The following EDC3 variants were observed in gnomAD, a reference collection of about 807,000 sequenced individuals.
The protein encoded by EDC3 is enhancer of mRNA decapping 3.
Under a neutral mutation model 41.8 loss-of-function variants are expected in EDC3, and 20 were observed. The ratio of observed to expected loss-of-function variants is 0.48; its 90% CI spans 0.34 to 0.70. The LOEUF (loss-of-function observed/expected upper bound fraction) is 0.70, where lower values mean the gene tolerates loss of function less well. EDC3 is among the 30% of genes least tolerant of loss of function. EDC3 has a pLI of 0.01. For synonymous variants in EDC3, 206 were observed against 243.2 expected, an observed-to-expected ratio of 0.85 and a Z score of 1.42; for missense variants, 444 against 636.8, an observed-to-expected ratio of 0.70 and a Z score of 3.26.
At chr15:74,672,951 G>A (rs555532931) in intron 2 of EDC3, among the ~76,000 whole-genome samples, 1 of 152,254 alleles carries the variant, frequency 6.6e-6, no homozygotes, top group South Asian at 2.1e-4. Context: ...TCTGGCCAGG[G>A]CAGGGGGAAT....
chr15:74,650,725 C>T (rs374607223), intron 4 of EDC3, among the ~76,000 whole-genome samples: 2 of 152,156 alleles, frequency 1.3e-5, no homozygotes, highest in African/African-American at 4.8e-5. Context: ...AGGCCAGGCG[C>T]GGTGGCTCAT....
intron 2 of EDC3, among the ~76,000 whole-genome samples, chr15:74,672,083 A>C (rs1013456250): frequency 1.3e-4 from 19 of 149,898 alleles, no homozygotes; most frequent in African/African-American, 4.7e-4. Context: ...AAAACGGTGA[A>C]ACCCCGTCTC....
intron 4 of EDC3, among the ~76,000 whole-genome samples, chr15:74,652,607 G>C (rs534630170): frequency 6.8e-6 from 1 of 146,452 alleles, no homozygotes; most frequent in Non-Finnish European, 1.5e-5. Context: ...TTTGAGACAG[G>C]GTCTGACTCT....
Position 74,686,222 on chromosome 15 carries a change from G to A in EDC3, c.-19+9658C>T, listed in dbSNP as rs563312237. ...TTCCTGTAATCCCAGTTACTCAGGA[G>A]GCTGAAGCAGGAGAATCGCTTGAAC... On this transcript the variant is annotated intron_variant, in intron 1 of 6. Coordinates refer to ENST00000315127, the MANE Select transcript of EDC3 (RefSeq NM_025083.5). Among the ~76,000 whole-genome samples the A allele has an allele frequency of 1.3e-3, 194 of 152,266 alleles. 2 individuals carry two copies. The highest frequency in any genetic ancestry group is 4.3e-3 in the African/African-American group (177 of 41,548).
chr15:74,690,318 G>A (rs2062992191), intron 1 of EDC3, among the ~76,000 whole-genome samples: 1 of 152,228 alleles, frequency 6.6e-6, no homozygotes, highest in South Asian at 2.1e-4. Context: ...TAAGTAATGG[G>A]ACTTTATCAT....
At chr15:74,695,086 G>C (rs991406502) in intron 1 of EDC3, among the ~76,000 whole-genome samples, 5 of 152,130 alleles carry the variant, frequency 3.3e-5, no homozygotes, top group Non-Finnish European at 7.4e-5. Flanking sequence ...AAATCGGTTT[G>C]GTCTGTGGCG....
At chr15:74,685,396 C>T (rs1821791741) in intron 1 of EDC3, among the ~76,000 whole-genome samples, 1 of 151,908 alleles carries the variant, frequency 6.6e-6, no homozygotes. Context: ...GAGTGAGACC[C>T]TGTCTCAAAA....
chr15:74,683,898 A>G (rs1214954916), intron 1 of EDC3, among the ~76,000 whole-genome samples: 2 of 152,136 alleles, frequency 1.3e-5, no homozygotes, highest in Non-Finnish European at 2.9e-5. Context: ...ATGATACTTA[A>G]TGGTGAAATA....
chr15:74,694,047 G>A (rs2063038728), intron 1 of EDC3, among the ~76,000 whole-genome samples: 1 of 151,962 alleles, frequency 6.6e-6, no homozygotes, highest in Non-Finnish European at 1.5e-5. Flanking sequence ...TATCATTATG[G>A]TCACTACACT....
Position 74,632,805 on chromosome 15 carries a change from G to C in EDC3, c.1334C>G (p.Pro445Arg). ...AATGCCCTGTTCGACTTCATGCACAGGAGGGTCTATGCTGAGTACTGGTGC... is the reference window on the plus strand; with the variant it reads ...AATGCCCTGTTCGACTTCATGCACACGAGGGTCTATGCTGAGTACTGGTGC... ...NRAPVLSIDP[P>R]VHEVEQGIDA... Residue 445 changes from proline (P) to arginine (R), a missense_variant, in exon 7 of 7, where the codon CCT becomes CGT. Physicochemically the swap from Pro to Arg is moderately radical, Grantham distance 103. Around this residue, in one of 3 missense-constraint regions of EDC3, gnomAD observed 242 missense variants for 363.8 expected, o/e 0.67. Coordinates refer to ENST00000315127, the MANE Select transcript of EDC3 (RefSeq NM_025083.5). This position sits in a 1 kb window ranked among gnomAD's most constrained non-coding sequence, Gnocchi z 4.0. 6.2e-7 allele frequency: 1 copy of C among 1,614,272 alleles called. No individual in the cohort carries two copies. Among genetic ancestry groups the C allele is most frequent in the Non-Finnish European group, 8.5e-7 (1 of 1,180,044 alleles).
intron 1 of EDC3, among the ~76,000 whole-genome samples, chr15:74,679,524 T>C (rs1453829566): frequency 3.9e-5 from 6 of 152,088 alleles, no homozygotes; most frequent in Non-Finnish European, 8.8e-5. Context: ...AATATTATCT[T>C]GATACCAAGA....
chr15:74,686,986 A>C (rs1392847774), intron 1 of EDC3: 1 of 152,306 alleles, frequency 6.6e-6, no homozygotes, highest in Non-Finnish European at 1.5e-5. Context: ...GTGAGCCGAC[A>C]CCGCACCACT....
At chr15:74,667,346 G>A (rs2062686625) in intron 3 of EDC3, among the ~76,000 whole-genome samples, 1 of 151,516 alleles carries the variant, frequency 6.6e-6, no homozygotes, top group Admixed American at 6.6e-5. Context: ...GAACTCTGCA[G>A]AGAAGTATAC....
chr15:74,684,749 G>A (rs1189260830), intron 1 of EDC3, among the ~76,000 whole-genome samples: 1 of 152,030 alleles, frequency 6.6e-6, no homozygotes, highest in East Asian at 1.9e-4. Flanking sequence ...AACTAATAAG[G>A]AAATTTAGCA....
chr15:74,651,761 TAA>T (rs2062483168), intron 4 of EDC3, among the ~76,000 whole-genome samples: 1 of 152,254 alleles, frequency 6.6e-6, no homozygotes, highest in Non-Finnish European at 1.5e-5. Flanking sequence ...ACTGCAGTAC[TAA>T]AGAAAAGACT....
intron 1 of EDC3, among the ~76,000 whole-genome samples, chr15:74,693,537 G>A (rs942168672): frequency 4.6e-5 from 7 of 152,148 alleles, no homozygotes; most frequent in Admixed American, 1.3e-4. Context: ...AGTATATAAA[G>A]AAAGTGATGA....
chr15:74,633,565 CCCAGGCTCCTCTGCTCTAA>C (rs765954189), intron 6 of EDC3, among the ~76,000 whole-genome samples: 8 of 152,216 alleles, frequency 5.3e-5, no homozygotes, highest in Non-Finnish European at 1.0e-4. Flanking sequence ...TTACTATTCT[CCCAGGCTCCTCTGCTCTAA>C]CCAGGCTTCT....
intron 1 of EDC3, among the ~76,000 whole-genome samples, chr15:74,689,607 C>T (rs1461253333): frequency 6.6e-6 from 1 of 152,160 alleles, no homozygotes; most frequent in Non-Finnish European, 1.5e-5. Flanking sequence ...TCACTGCAAG[C>T]TCCGCCTCCT....
At chr15:74,664,527 T>A (rs904014837) in intron 3 of EDC3, among the ~76,000 whole-genome samples, 2 of 152,264 alleles carry the variant, frequency 1.3e-5, no homozygotes, top group Non-Finnish European at 2.9e-5. Context: ...CACTTATTTA[T>A]TGGTTTTTGT....
Sources: allele counts gnomAD v4.1 joint callset (sites outside exome capture counted in the v4.1 genomes callset), GRCh38; gene constraint gnomAD v4.1.1; regional missense constraint gnomAD v4.1.1; non-coding constraint Gnocchi (gnomAD v3.1); transcripts MANE v1.5; gene names NCBI Gene and HGNC (gene_info 2026-07-23, HGNC 2026-07-21).